Variants in GIGYF1 observed in about 807,000 individuals in gnomAD.
GIGYF1 encodes the protein GRB10-interacting GYF protein 1.
Under a neutral mutation model 147.1 loss-of-function variants are expected in GIGYF1, and 84 were observed. The ratio of observed to expected loss-of-function variants is 0.57; its 90% CI spans 0.48 to 0.68. The LOEUF is 0.68. Ranked by LOEUF, GIGYF1 falls within the 30% of genes least tolerant of loss-of-function variation. GIGYF1 has a pLI of 0.00. For synonymous variants in GIGYF1, 752 were observed against 589.5 expected (o/e 1.28, Z -3.99); for missense variants, 1,485 against 1,393.7 (o/e 1.07, Z -1.04).
At chr7:100,692,722 C>G (rs1039600904) in intron 1 of GIGYF1, among the ~76,000 whole-genome samples, 1 of 152,212 alleles carries the variant, frequency 6.6e-6, no homozygotes, top group Admixed American at 6.5e-5. Context: ...CTAACCACCA[C>G]GTGGGACCCT....
At chr7:100,684,974 T>C in intron 14 of GIGYF1, 75 bp downstream of exon 14, 13 of 1,549,738 alleles carry the variant, frequency 8.4e-6, no homozygotes, top group South Asian at 1.2e-5. Flanking sequence ...GAGCTTGAGC[T>C]GGGGCCGGGG....
At position 100,682,594 on chromosome 7, in the gene GIGYF1, G is replaced by C. The variant is rs759774091; in HGVS notation, c.2596C>G (p.Leu866Val). ...GLKNSRSSPS[L>V]SDSYSHLSGR... ...GCCTCCAGGTGCCACGCCCACCTGA[G>C]AGATGGGCTGCTCCGGCTGTTCTTC... is the stretch of plus-strand genomic sequence containing the variant. Residue 866 changes from leucine (L) to valine (V), a missense_variant, in exon 23 of 27, where the codon CTC (leucine) becomes GTC (valine). Coordinates refer to ENST00000678049, the MANE Select transcript of GIGYF1 (RefSeq NM_001375765.1). 2 of 1,597,050 alleles carry C rather than the reference G, an allele frequency of 1.3e-6. No individual in the cohort carries two copies. The highest frequency in any genetic ancestry group is 1.7e-6 in the Non-Finnish European group (2 of 1,175,054).
chr7:100,680,550 C>A lies in GIGYF1; in HGVS notation c.*1169G>T, dbSNP rs1453445803. The A allele has an allele frequency of 6.5e-6, 1 of 152,692 alleles. No homozygotes were observed. Among genetic ancestry groups the A allele is most frequent in the African/African-American group, 2.4e-5 (1 of 41,464 alleles). 9.5% of individuals were successfully genotyped at this position (152,692 alleles called of 1,614,324 possible). ...GCGCATCATATCAGACCCGGAAGGC[C>A]ACCTGCTCCTCTCCCATTTGGTCAG... On this transcript the variant is annotated 3_prime_UTR_variant, in exon 27 of 27. Coordinates refer to ENST00000678049, the MANE Select transcript of GIGYF1 (RefSeq NM_001375765.1).
At chr7:100,691,500 GA>G (rs1194527981) in intron 1 of GIGYF1, among the ~76,000 whole-genome samples, 1 of 47,172 alleles carries the variant, frequency 2.1e-5, no homozygotes, top group Non-Finnish European at 3.7e-5. Context: ...TTTGAGAAAA[GA>G]ATAGATTTTT....
rs1233772371 is a variant in GIGYF1 at position 100,684,500 on chromosome 7, T to C, written c.1579A>G (p.Met527Val). The change falls in exon 16 of 27, where the codon ATG becomes GTG. Residue 527 changes from methionine to valine, a missense_variant. Coordinates refer to ENST00000678049, the MANE Select transcript of GIGYF1 (RefSeq NM_001375765.1). ...GGGGCAAAGGGCACGCGGCCCCACA[T>C]CTTGATCACCTCGCCCAGCGGCTGG... ...GFQPLGEVIK[M>V]WGRVPFAPGP... 1 of 1,613,722 alleles carries C rather than the reference T, an allele frequency of 6.2e-7. No individual in the cohort carries two copies. The highest frequency in any genetic ancestry group is 1.3e-5 in the African/African-American group (1 of 75,002).
In GIGYF1 at chr7:100,686,639, C is replaced by G; in HGVS notation, c.694+10G>C. ...CTGCCCCCGCCAATGCTACCAGGCC[C>G]CAATCTCACCAGGGCTGGCGGAGCG... On this transcript the variant is annotated intron_variant, in intron 10 of 26. Transcript: ENST00000678049. 6.2e-7 allele frequency: 1 copy of G among 1,607,066 alleles called. No homozygotes were observed. The highest frequency in any genetic ancestry group is 8.5e-7 in the Non-Finnish European group (1 of 1,177,738).
Position 100,681,299 on chromosome 7 carries a change from T to C in GIGYF1, c.*420A>G, listed in dbSNP as rs1319802177. The C allele has an allele frequency of 6.6e-6, 1 of 152,294 alleles. No homozygotes were observed. The highest frequency in any genetic ancestry group is 2.5e-5 in the African/African-American group (1 of 40,730). 9.4% of individuals were successfully genotyped at this position (152,294 alleles called of 1,614,324 possible). ...TGTCCCCACTGCCCCAAAATAACAG[T>C]GTGTTTTTTCTTTCAGCCTCCTAAC... On this transcript the variant is annotated 3_prime_UTR_variant, in exon 27 of 27. Transcript: ENST00000678049.
rs780285491 is a variant in GIGYF1 at position 100,687,383 on chromosome 7, A to G, written c.397T>C (p.Phe133Leu). The change falls in exon 8 of 27, where the codon TTT becomes CTT. Residue 133 changes from phenylalanine to leucine, a missense_variant. Transcript: ENST00000678049. ...CCTTCTTCGATGCTTCTTTGGTAAA[A>G]GCAGCTGTCACCACGGCCGCGGCCT... ...SRGRGRGDSC[F>L]YQRSIEEGDG... The G allele has an allele frequency of 6.2e-7, 1 of 1,613,400 alleles. No homozygotes were observed. Among genetic ancestry groups the G allele is most frequent in the Non-Finnish European group, 8.5e-7 (1 of 1,179,972 alleles).
In GIGYF1 at chr7:100,683,542, C is replaced by T. The variant is rs775368055; in HGVS notation, c.2052+8G>A. 1.9e-6 allele frequency: 3 copies of T among 1,614,054 alleles called. No homozygotes were observed. Among genetic ancestry groups the T allele is most frequent in the East Asian group, 2.2e-5 (1 of 44,894 alleles). ...TCCCAGGGCCTCAGCCCCAGGATGC[C>T]CACTCACTTTATGTTGCAGCTGGAG... is the stretch of plus-strand genomic sequence containing the variant. On this transcript the variant is annotated splice_region_variant and intron_variant, in intron 20 of 26. Coordinates refer to ENST00000678049, the MANE Select transcript of GIGYF1 (RefSeq NM_001375765.1).
At chr7:100,688,368 G>C in intron 3 of GIGYF1, 61 bp from the exon 4 acceptor site, 9 of 794,790 alleles carry the variant, frequency 1.1e-5, no homozygotes, top group Non-Finnish European at 4.2e-6. Context: ...AGCGCAGGGA[G>C]GACACCATGG....
At position 100,686,694 on chromosome 7, in the gene GIGYF1, C is replaced by A. The variant is rs1554382253; in HGVS notation, c.649G>T (p.Ala217Ser). 12 of 1,613,244 alleles carry A rather than the reference C, an allele frequency of 7.4e-6. No homozygotes were observed. The highest frequency in any genetic ancestry group is 1.0e-5 in the Non-Finnish European group (12 of 1,179,836). The part of the protein sequence containing the change: ...EEEEGSWRLG[A>S]GPRRDGDRWR... The stretch of plus-strand genomic sequence containing the variant: ...CGGTCGCCGTCTCGCCGGGGCCCTG[C>A]TCCGAGCCTCCAGCTGCCCTCCTCC... Residue 217 changes from alanine to serine, a missense_variant, in exon 10 of 27, where the codon GCA becomes TCA. Coordinates refer to ENST00000678049, the MANE Select transcript of GIGYF1 (RefSeq NM_001375765.1).
chr7:100,683,940 C>T (rs758848524), intron 18 of GIGYF1, 22 bp from the exon 19 acceptor site: 11 of 1,559,862 alleles, frequency 7.1e-6, no homozygotes, highest in South Asian at 4.7e-5. Flanking sequence ...ATTGTGGATT[C>T]TTAGGACCCC....
chr7:100,683,836 A>T lies in GIGYF1; in HGVS notation c.1951T>A (p.Ser651Thr). ...DSGRLWDVHT[S>T]ASSQSGGEAS... ...CACACACCTGACTGTGATGAGGCTG[A>T]GGTATGTACGTCCCAGAGGCGGCCC... Residue 651 changes from serine to threonine, a missense_variant, in exon 19 of 27, where the codon TCA (serine) becomes ACA (threonine). Ser to Thr is a moderately conservative substitution (Grantham distance 58). Transcript: ENST00000678049. The T allele has an allele frequency of 1.3e-6, 2 of 1,572,620 alleles. No individual in the cohort carries two copies. The highest frequency in any genetic ancestry group is 1.7e-6 in the Non-Finnish European group (2 of 1,158,320).
In GIGYF1 at chr7:100,688,454, A is replaced by C. The variant is rs778592876; in HGVS notation, c.-73T>G. On this transcript the variant is annotated 5_prime_UTR_variant, in exon 3 of 27. Coordinates refer to ENST00000678049, the MANE Select transcript of GIGYF1 (RefSeq NM_001375765.1). ...CCTGGGGTCTAAAAGGACTCACCTG[A>C]GCCAGCCACGTGGCCACTCACACCA... 1.0e-5 allele frequency: 7 copies of C among 697,978 alleles called. No individual in the cohort carries two copies. Among genetic ancestry groups the C allele is most frequent in the Non-Finnish European group, 1.8e-5 (7 of 382,860 alleles). The allele number at this position is 697,978 out of a possible 1,614,324, so 43.2% of individuals were successfully genotyped here.
rs1373926663 is a variant in GIGYF1 at position 100,679,810 on chromosome 7, C to G, written c.*1909G>C. 6.6e-6 allele frequency: 1 copy of G among 152,632 alleles called. No homozygotes were observed. Among genetic ancestry groups the G allele is most frequent in the Non-Finnish European group, 1.5e-5 (1 of 68,096 alleles). The allele number at this position is 152,632 out of a possible 1,614,324, so 9.5% of individuals were successfully genotyped here. The stretch of plus-strand genomic sequence containing the variant: ...GGGGTGGGAGAGGGCTCCCCCTATA[C>G]TTCCTCACAGGGTTAAGGCCTCTCC... On this transcript the variant is annotated 3_prime_UTR_variant, in exon 27 of 27. Coordinates refer to ENST00000678049, the MANE Select transcript of GIGYF1 (RefSeq NM_001375765.1).
chr7:100,682,688 G>C lies in GIGYF1; in HGVS notation c.2502C>G (p.Gly834=). 1 of 1,599,992 alleles carries C rather than the reference G, an allele frequency of 6.3e-7. No homozygotes were observed. The highest frequency in any genetic ancestry group is 8.5e-7 in the Non-Finnish European group (1 of 1,173,968). Residue 834 remains glycine, a synonymous_variant, in exon 23 of 27, where the codon GGC becomes GGG. Coordinates refer to ENST00000678049, the MANE Select transcript of GIGYF1 (RefSeq NM_001375765.1). ...CCTCCCAGAGCCCCAGGCCGCTGCT[G>C]CCGCCCCCACTCTTGTCTGGCCCGC... is the stretch of plus-strand genomic sequence containing the variant. ...LWGGPDKSGG[G]SSGLGLWEDT...
rs372612503 is a variant in GIGYF1 at position 100,683,245 on chromosome 7, T to C, written c.2194-15A>G. On this transcript the variant is annotated splice_polypyrimidine_tract_variant and intron_variant, in intron 21 of 26. Transcript: ENST00000678049. Reference sequence around the variant, plus strand: ...TGCTGCCGCACCTAAGAGGGGGACATGGTGAGGGGACCTGGCGAGGGTTGT... The same window carrying C: ...TGCTGCCGCACCTAAGAGGGGGACACGGTGAGGGGACCTGGCGAGGGTTGT... The C allele has an allele frequency of 7.4e-6, 12 of 1,612,818 alleles. No homozygotes were observed. The African/African-American group carries it at 9.3e-5, about 13-fold the overall frequency.
At chr7:100,683,490 TG>T (rs1562872484) in intron 20 of GIGYF1, 46 bp from the exon 21 acceptor site, 4 of 1,614,072 alleles carry the variant, frequency 2.5e-6, no homozygotes, top group East Asian at 2.2e-5. Flanking sequence ...GGGGACAGCC[TG>T]GGGCCTGCCT....
chr7:100,690,418 G>A (rs1386585011), intron 1 of GIGYF1, among the ~76,000 whole-genome samples: 1 of 152,142 alleles, frequency 6.6e-6, no homozygotes, highest in Non-Finnish European at 1.5e-5. Flanking sequence ...TTGAAGAGAG[G>A]AGTCCGAGAC....
Sources: gnomAD v4.1 joint callset for allele counts (sites outside exome capture counted in the v4.1 genomes callset) on GRCh38, gnomAD v4.1.1 for gene constraint, MANE v1.5 for transcripts, NCBI Gene and HGNC (gene_info 2026-07-23, HGNC 2026-07-21) for gene names.